TRMT11: variants seen among roughly 807,000 people sequenced by gnomAD.
The protein encoded by TRMT11 is tRNA (guanine(10)-N(2))-methyltransferase TRMT11.
Under a neutral mutation model 62.8 loss-of-function variants are expected in TRMT11, and 53 were observed. That is an observed-to-expected ratio of 0.84 (90% confidence interval 0.68 to 1.06). The LOEUF (loss-of-function observed/expected upper bound fraction) is 1.06. Ranked by LOEUF, TRMT11 falls within the 50% of genes least tolerant of loss-of-function variation. The probability of loss-of-function intolerance (pLI) is 0.00; values close to 1 mark genes in which losing one functional copy is unlikely to be tolerated. For missense variants in TRMT11, 556 were observed against 553.4 expected, an observed-to-expected ratio of 1.00 and a Z score of -0.05; for synonymous variants, 188 against 190.3, an observed-to-expected ratio of 0.99 and a Z score of 0.10.
At chr6:126,150,322 C>T (rs1234072882) in intron 21 of TRMT11, among the ~76,000 whole-genome samples, 1 of 152,116 alleles carries the variant, frequency 6.6e-6, no homozygotes, top group African/African-American at 2.4e-5. Flanking sequence ...GATGGTCCAG[C>T]CTCCAGAACT....
At position 125,995,973 on chromosome 6, in the gene TRMT11, T is replaced by C; in HGVS notation, c.145T>C (p.Phe49Leu). 2 of 1,604,314 alleles carry C rather than the reference T, an allele frequency of 1.2e-6. No homozygotes were observed. Among genetic ancestry groups the C allele is most frequent in the Non-Finnish European group, 1.7e-6 (2 of 1,171,186 alleles). ...SSQETYGKSPFWILSIPSEDI... is the reference protein window; with the variant it reads ...SSQETYGKSPLWILSIPSEDI... ...ATATTGTTATTTCTTTTAGTCACCA[T>C]TTTGGATTCTTAGCATTCCCTCTGA... is the stretch of plus-strand genomic sequence containing the variant. Residue 49 changes from phenylalanine to leucine, a missense_variant, in exon 3 of 13, where the codon TTT becomes CTT. Phe to Leu is a conservative substitution (Grantham distance 22). Coordinates refer to ENST00000334379, the MANE Select transcript of TRMT11 (RefSeq NM_001031712.3).
At chr6:126,003,860 T>G (rs1179688351) in intron 7 of TRMT11, among the ~76,000 whole-genome samples, 1 of 152,034 alleles carries the variant, frequency 6.6e-6, no homozygotes, top group Non-Finnish European at 1.5e-5. Context: ...TGCTACTAAT[T>G]GATTTTTGCC....
chr6:126,065,327 C>G (rs546914963), intron 17 of TRMT11, among the ~76,000 whole-genome samples: 2 of 152,134 alleles, frequency 1.3e-5, no homozygotes, highest in South Asian at 2.1e-4. Context: ...CGAGGCAGGG[C>G]TGGAGTGGGA....
At chr6:126,001,602 G>GTTTTA (rs1562247288) in intron 7 of TRMT11, among the ~76,000 whole-genome samples, 2 of 151,938 alleles carry the variant, frequency 1.3e-5, no homozygotes, top group Non-Finnish European at 2.9e-5. Context: ...ATTACTGGTG[G>GTTTTA]TTTTATTTTA....
At chr6:126,038,541 A>G (rs1408589616) in intron 12 of TRMT11, among the ~76,000 whole-genome samples, 164 bp from the exon 13 acceptor site, 2 of 152,000 alleles carry the variant, frequency 1.3e-5, no homozygotes, top group Non-Finnish European at 2.9e-5. Flanking sequence ...CAAGCATGAT[A>G]AGGATGTAAA....
At chr6:126,246,495 G>C in the TRMT11 span, among the ~76,000 whole-genome samples, 1 of 152,204 alleles carries the variant, frequency 6.6e-6, no homozygotes, top group East Asian at 1.9e-4. Context: ...AGCCCAGAGG[G>C]AGATGAGAGC....
At chr6:126,264,043 T>C in the TRMT11 span, among the ~76,000 whole-genome samples, 1 of 152,198 alleles carries the variant, frequency 6.6e-6, no homozygotes, top group African/African-American at 2.4e-5. Flanking sequence ...TGACAGCAGA[T>C]AATTGCTCCA....
chr6:126,000,086 T>C (rs1285785688), intron 7 of TRMT11, among the ~76,000 whole-genome samples: 1 of 152,094 alleles, frequency 6.6e-6, no homozygotes, highest in Non-Finnish European at 1.5e-5. Context: ...TTTATGGAGG[T>C]TTATAAGTAA....
At chr6:126,252,292 T>C in the TRMT11 span, among the ~76,000 whole-genome samples, 12 of 152,282 alleles carry the variant, frequency 7.9e-5, no homozygotes, top group East Asian at 1.4e-3. Flanking sequence ...TGACTTGGGA[T>C]GACTGAGGGT....
chr6:126,092,493 A>G (rs111597313), intron 17 of TRMT11, among the ~76,000 whole-genome samples: 18,497 of 152,156 alleles, frequency 0.12, 2,623 homozygotes, highest in African/African-American at 0.34. Flanking sequence ...CCATGATTCA[A>G]TTATCTCCCA....
chr6:126,245,166 C>T, the TRMT11 span, among the ~76,000 whole-genome samples: 1 of 151,976 alleles, frequency 6.6e-6, no homozygotes. Flanking sequence ...TTCTAGGAAC[C>T]CTTGAATATG....
the TRMT11 span, among the ~76,000 whole-genome samples, chr6:126,256,184 G>C: frequency 6.6e-6 from 1 of 152,198 alleles, no homozygotes; most frequent in Non-Finnish European, 1.5e-5. Context: ...GTGTCTTTAA[G>C]ATATGATGAC....
intron 1 of TRMT11, among the ~76,000 whole-genome samples, chr6:126,181,774 A>G (rs932944154): frequency 6.6e-6 from 1 of 152,176 alleles, no homozygotes; most frequent in Non-Finnish European, 1.5e-5. Context: ...AAGTGTTCTA[A>G]TATCTGGCCT....
chr6:126,096,722 A>G (rs1777345723), intron 17 of TRMT11, among the ~76,000 whole-genome samples: 1 of 151,920 alleles, frequency 6.6e-6, no homozygotes, highest in Admixed American at 6.6e-5. Flanking sequence ...TGTAGTAGAA[A>G]CTCAGTAACT....
Position 126,011,387 on chromosome 6 carries a change from GGCACATAT to G in TRMT11, c.896_903del (p.Gly299ValfsTer2). ...TGCATCTAAACCTTCCTGGAGGAAG[GGCACATAT>G]TTTGATGCAATCATTACTGATCGTA... On this transcript the variant is annotated frameshift_variant, in exon 9 of 13. Coordinates refer to ENST00000334379, the MANE Select transcript of TRMT11 (RefSeq NM_001031712.3). LOFTEE classifies it high-confidence loss of function. 1 of 1,612,824 alleles carries G rather than the reference GGCACATAT, an allele frequency of 6.2e-7. No homozygotes were observed. Among genetic ancestry groups the G allele is most frequent in the East Asian group, 2.2e-5 (1 of 44,792 alleles).
intron 12 of TRMT11, among the ~76,000 whole-genome samples, chr6:126,026,607 G>C (rs1020099227): frequency 4.6e-5 from 7 of 151,740 alleles, no homozygotes; most frequent in Non-Finnish European, 8.8e-5. Context: ...GGATGGTCTC[G>C]ATCTCCTAAC....
Position 126,026,055 on chromosome 6 carries a change from C to G in TRMT11, c.1260+4775C>G, listed in dbSNP as rs891391513. On this transcript the variant is annotated intron_variant, in intron 12 of 12. Transcript: ENST00000334379. Reference sequence around the variant, plus strand: ...CAACTGTATTAAAATTTTGAAATTGCCTGATAAGAAGGGCCAGGTTTTTTC... The same window carrying G: ...CAACTGTATTAAAATTTTGAAATTGGCTGATAAGAAGGGCCAGGTTTTTTC... Among the ~76,000 whole-genome samples the G allele has an allele frequency of 7.9e-5, 12 of 152,194 alleles. No individual in the cohort carries two copies. The South Asian group carries it at 1.7e-3, about 21-fold the overall frequency.
intron 21 of TRMT11, among the ~76,000 whole-genome samples, chr6:126,124,034 CTCTT>C (rs1268971758): frequency 6.6e-6 from 1 of 151,700 alleles, no homozygotes; most frequent in Non-Finnish European, 1.5e-5. Context: ...TTCTCTGAGT[CTCTT>C]TCTAGGTTTT....
At position 126,044,957 on chromosome 6, in the gene TRMT11, A is replaced by G. The variant is rs571544309; in HGVS notation, c.*1369+4112A>G. ...TCCCAGCATTTTGGGAGGCTGAGGCAGGTGGATCACCTGAGGTCAGGAGTT... is the reference window on the plus strand; with the variant it reads ...TCCCAGCATTTTGGGAGGCTGAGGCGGGTGGATCACCTGAGGTCAGGAGTT... On this transcript the variant is annotated intron_variant and NMD_transcript_variant, in intron 16 of 22. Coordinates refer to the TRMT11 transcript ENST00000648977. 1.5e-3 allele frequency among the ~76,000 whole-genome samples: 227 copies of G among 152,178 alleles called. 1 individual carries two copies. Among genetic ancestry groups the G allele is most frequent in the African/African-American group, 5.4e-3 (223 of 41,530 alleles).
Sources: gnomAD v4.1 joint callset for allele counts (sites outside exome capture counted in the v4.1 genomes callset) on GRCh38, gnomAD v4.1.1 for gene constraint, MANE v1.5 for transcripts, NCBI Gene and HGNC (gene_info 2026-07-23, HGNC 2026-07-21) for gene names.